The following PSIP1 variants were observed in gnomAD, a reference collection of about 807,000 sequenced individuals.
PSIP1 encodes the protein PC4 and SRSF1 interacting protein 1, also known as PC4 and SFRS1-interacting protein.
A neutral mutation model predicts 74.7 loss-of-function variants in PSIP1; 19 were observed. The ratio of observed to expected loss-of-function variants is 0.25; its 90% confidence interval spans 0.18 to 0.37. PSIP1 has a LOEUF of 0.37. Ranked by LOEUF, PSIP1 falls within the 10% of genes least tolerant of loss-of-function variation. PSIP1 has a pLI of 1.00. For missense variants in PSIP1, 601 were observed against 614.3 expected (o/e 0.98, Z 0.23); for synonymous variants, 222 against 195.3 (o/e 1.14, Z -1.14).
intron 10 of PSIP1, chr9:15,471,068 T>C (rs750308565): frequency 4.7e-6 from 7 of 1,490,616 alleles, no homozygotes; most frequent in Non-Finnish European, 6.2e-6. Context: ...ATCTGGAACA[T>C]TCTTCCATCA....
intron 3 of PSIP1, among the ~76,000 whole-genome samples, chr9:15,496,807 CTTTT>C (rs139597624): frequency 1.3e-5 from 2 of 152,008 alleles, no homozygotes; most frequent in African/African-American, 2.4e-5. Context: ...AATTCGCACA[CTTTT>C]TTTTAGTTCA....
rs1563861592 is a variant in PSIP1 at position 15,465,503 on chromosome 9, ATTC to A, written c.*14_*16del. The stretch of plus-strand genomic sequence containing the variant: ...TACAAACTTCTCAAGTGTTCTCTAT[ATTC>A]CAGGTATGTCAACCTAGTTATCTAG... On this transcript the variant is annotated 3_prime_UTR_variant, in exon 16 of 16. Transcript: ENST00000380733. 6.6e-7 allele frequency: 1 copy of A among 1,521,760 alleles called. No homozygotes were observed. Among genetic ancestry groups the A allele is most frequent in the Non-Finnish European group, 9.0e-7 (1 of 1,109,510 alleles). 94.3% of individuals were successfully genotyped at this position (1,521,760 alleles called of 1,614,324 possible). A position where few individuals can be genotyped will look rare whatever the true frequency, so the allele number is the denominator to read the frequency against.
chr9:15,488,848 C>A (rs1053341071), intron 4 of PSIP1, among the ~76,000 whole-genome samples: 3 of 152,024 alleles, frequency 2.0e-5, no homozygotes, highest in Non-Finnish European at 4.4e-5. Context: ...GGTGAAACCC[C>A]GTCTCTACTA....
chr9:15,478,699 T>A (rs888074565), intron 7 of PSIP1, 147 bp from the exon 8 acceptor site: 19 of 541,654 alleles, frequency 3.5e-5, no homozygotes, highest in African/African-American at 3.5e-4. Context: ...GAAAAAATAA[T>A]ACCTCCCCCA....
chr9:15,498,852 A>G (rs1011000797), intron 3 of PSIP1, among the ~76,000 whole-genome samples: 2 of 152,220 alleles, frequency 1.3e-5, no homozygotes, highest in Non-Finnish European at 2.9e-5. Context: ...AAAGCAGGGC[A>G]TAACTATATA....
chr9:15,481,947 C>G (rs2036354564), intron 6 of PSIP1, among the ~76,000 whole-genome samples: 1 of 152,084 alleles, frequency 6.6e-6, no homozygotes, highest in Admixed American at 6.5e-5. Context: ...TAAAACTTTT[C>G]CACTCTTAGG....
chr9:15,466,893 A>G, intron 14 of PSIP1, 34 bp from the exon 15 acceptor site: 1 of 1,526,522 alleles, frequency 6.6e-7, no homozygotes, highest in Non-Finnish European at 9.0e-7. Flanking sequence ...AACTTTGTTA[A>G]AGCTTACAAA....
rs1563881842 is a variant in PSIP1 at position 15,485,989 on chromosome 9, TA to T, written c.456+16del. The T allele has an allele frequency of 6.3e-7, 1 of 1,585,560 alleles. No homozygotes were observed. Among genetic ancestry groups the T allele is most frequent in the Non-Finnish European group, 8.7e-7 (1 of 1,155,880 alleles). On this transcript the variant is annotated intron_variant, in intron 6 of 15. Transcript: ENST00000380733. The stretch of plus-strand genomic sequence containing the variant: ...ATTCTTTTCAGATCCCCATGGTTGG[TA>T]AGTCAGTGAAATTACCTTTCTCTTT...
In PSIP1 at chr9:15,510,028, A is replaced by C. The variant is rs577890801; in HGVS notation, c.72+89T>G. The C allele has an allele frequency of 6.1e-4, 819 of 1,335,852 alleles. 20 individuals are homozygous for C. In the South Asian group the frequency reaches 0.01, roughly 17 times the overall value. 82.7% of individuals were successfully genotyped at this position (1,335,852 alleles called of 1,614,324 possible). ...GAGACTAAAGCGAGGGAGAGAAAGGACAGAAGAAAAAATAAAGAGACACGG... is the reference window on the plus strand; with the variant it reads ...GAGACTAAAGCGAGGGAGAGAAAGGCCAGAAGAAAAAATAAAGAGACACGG... On this transcript the variant is annotated intron_variant, in intron 2 of 15. Coordinates refer to ENST00000380733, the MANE Select transcript of PSIP1 (RefSeq NM_033222.5).
chr9:15,503,912 A>G (rs545464920), intron 3 of PSIP1, among the ~76,000 whole-genome samples: 1 of 152,170 alleles, frequency 6.6e-6, no homozygotes, highest in South Asian at 2.1e-4. Flanking sequence ...ATGCCAGGCT[A>G]ATTTTTGTAT....
At chr9:15,476,526 G>A (rs741930) in intron 8 of PSIP1, among the ~76,000 whole-genome samples, 10,586 of 152,142 alleles carry the variant, frequency 0.07, 485 homozygotes, top group African/African-American at 0.13. Flanking sequence ...TGAGGATGTA[G>A]GACTTTCAAA....
intron 4 of PSIP1, among the ~76,000 whole-genome samples, chr9:15,489,000 G>T (rs762260028): frequency 6.6e-6 from 1 of 151,866 alleles, no homozygotes; most frequent in Non-Finnish European, 1.5e-5. Context: ...CAGCCTGGGC[G>T]ACAGAGCGAG....
intron 6 of PSIP1, among the ~76,000 whole-genome samples, chr9:15,484,680 T>C (rs1390881698): frequency 6.6e-6 from 1 of 151,856 alleles, no homozygotes; most frequent in African/African-American, 2.4e-5. Context: ...TGAGCCGAGA[T>C]GGCGCCACTG....
At chr9:15,483,910 T>A (rs939397207) in intron 6 of PSIP1, among the ~76,000 whole-genome samples, 1 of 151,986 alleles carries the variant, frequency 6.6e-6, no homozygotes, top group Non-Finnish European at 1.5e-5. Context: ...AGCAGATCAC[T>A]TGAGGCCAGG....
At chr9:15,485,820 T>C (rs767570408) in intron 6 of PSIP1, 186 bp downstream of exon 6, 65 of 464,478 alleles carry the variant, frequency 1.4e-4, no homozygotes, top group Admixed American at 1.2e-4. Context: ...TCAAGTTACT[T>C]TAAGGGTGCT....
Position 15,466,676 on chromosome 9 carries a change from C to T in PSIP1, c.1532+72G>A, listed in dbSNP as rs2035647171. On this transcript the variant is annotated intron_variant, in intron 15 of 15. Coordinates refer to ENST00000380733, the MANE Select transcript of PSIP1 (RefSeq NM_033222.5). ...TAACTGCTTATTATAGTAAGATAAC[C>T]TTGGAACAGAACTGTGATTAAAAAC... The T allele has an allele frequency of 1.7e-5, 21 of 1,206,164 alleles. No individual in the cohort carries two copies. The South Asian group carries it at 2.7e-4, about 16-fold the overall frequency. 74.7% of individuals were successfully genotyped at this position (1,206,164 alleles called of 1,614,324 possible).
Position 15,490,133 on chromosome 9 carries a change from G to C in PSIP1, c.150-9C>G. 1 of 1,569,942 alleles carries C rather than the reference G, an allele frequency of 6.4e-7. No individual in the cohort carries two copies. The highest frequency in any genetic ancestry group is 8.6e-7 in the Non-Finnish European group (1 of 1,163,274). ...TTGGTCCTAAAAAAGCACTAAAAAAGAAGTGGGGAAGATGTGAGTGCAAAG... is the reference window on the plus strand; with the variant it reads ...TTGGTCCTAAAAAAGCACTAAAAAACAAGTGGGGAAGATGTGAGTGCAAAG... On this transcript the variant is annotated splice_polypyrimidine_tract_variant and intron_variant, in intron 3 of 15. Coordinates refer to ENST00000380733, the MANE Select transcript of PSIP1 (RefSeq NM_033222.5).
Position 15,490,043 on chromosome 9 carries a change from A to G in PSIP1, c.231T>C (p.Phe77=), listed in dbSNP as rs766220487. ...TATCTATCTCCCATAAACCTTCATT[A>G]AAACCTTTTCTTTTATTTGGTTTGC... ...KYGKPNKRKG[F]NEGLWEIDNN... The change falls in exon 4 of 16, where the codon TTT becomes TTC. Residue 77 remains phenylalanine (F), a synonymous_variant. Transcript: ENST00000380733. 1 of 1,606,320 alleles carries G rather than the reference A, an allele frequency of 6.2e-7. No individual in the cohort carries two copies. Among genetic ancestry groups the G allele is most frequent in the East Asian group, 2.2e-5 (1 of 44,530 alleles).
At position 15,464,729 on chromosome 9, in the gene PSIP1, G is replaced by T; in HGVS notation, c.*791C>A. 1 of 203,380 alleles carries T rather than the reference G, an allele frequency of 4.9e-6. No individual in the cohort carries two copies. Among genetic ancestry groups the T allele is most frequent in the East Asian group, 7.6e-5 (1 of 13,090 alleles). 12.6% of individuals were successfully genotyped at this position (203,380 alleles called of 1,614,324 possible). ...ACTTAGTTTTCAGTTTTAGTTACTA[G>T]TGCCTGCCTATAAAAGGACCTTAAA... On this transcript the variant is annotated 3_prime_UTR_variant, in exon 16 of 16. Coordinates refer to ENST00000380733, the MANE Select transcript of PSIP1 (RefSeq NM_033222.5).
Sources: gnomAD v4.1 joint callset for allele counts (sites outside exome capture counted in the v4.1 genomes callset) on GRCh38, gnomAD v4.1.1 for gene constraint, MANE v1.5 for transcripts, NCBI Gene and HGNC (gene_info 2026-07-23, HGNC 2026-07-21) for gene names.